DPYD: variants seen among roughly 807,000 people sequenced by gnomAD.
DPYD encodes the protein dihydropyrimidine dehydrogenase, also known as dihydropyrimidine dehydrogenase [NADP(+)].
DPYD carries 109 observed loss-of-function variants against 116.2 expected under a neutral mutation model. The ratio of observed to expected loss-of-function variants is 0.94; its 90% CI spans 0.80 to 1.10. The LOEUF is 1.10. Among genes scored for constraint, DPYD ranks in the 50% least tolerant of loss-of-function variants. The pLI is 0.00. For synonymous variants in DPYD, 440 were observed against 432.0 expected (o/e 1.02, Z -0.23); for missense variants, 1,302 against 1,254.5 (o/e 1.04, Z -0.57).
intron 13 of DPYD, among the ~76,000 whole-genome samples, chr1:97,480,322 C>T (rs942281306): frequency 1.4e-4 from 21 of 152,014 alleles, no homozygotes; most frequent in Admixed American, 3.9e-4. Flanking sequence ...TTCTGGAATA[C>T]GAAAGACTTG....
At chr1:97,485,109 G>C (rs1557744698) in intron 13 of DPYD, among the ~76,000 whole-genome samples, 1 of 152,072 alleles carries the variant, frequency 6.6e-6, no homozygotes, top group East Asian at 1.9e-4. Flanking sequence ...TATACATTAG[G>C]TCTTTCAACA....
chr1:97,239,396 A>G (rs934405247), intron 18 of DPYD, among the ~76,000 whole-genome samples: 3 of 152,118 alleles, frequency 2.0e-5, no homozygotes, highest in Admixed American at 2.0e-4. Flanking sequence ...ATGTATTATG[A>G]CAATCAGGTT....
chr1:97,811,620 T>C (rs1466657511), intron 3 of DPYD, among the ~76,000 whole-genome samples: 1 of 152,134 alleles, frequency 6.6e-6, no homozygotes, highest in Non-Finnish European at 1.5e-5. Context: ...AATAACTTTG[T>C]TTCGAAACTT....
intron 16 of DPYD, among the ~76,000 whole-genome samples, chr1:97,324,021 A>T (rs1437229539): frequency 1.3e-5 from 2 of 152,000 alleles, no homozygotes; most frequent in East Asian, 3.9e-4. Flanking sequence ...AAGTGGTTAA[A>T]TTGTATTTGT....
chr1:97,115,848 G>A (rs955741373), intron 20 of DPYD, among the ~76,000 whole-genome samples: 1 of 152,110 alleles, frequency 6.6e-6, no homozygotes, highest in South Asian at 2.1e-4. Flanking sequence ...AAGTAGACCT[G>A]AGGCCCACTT....
intron 15 of DPYD, among the ~76,000 whole-genome samples, chr1:97,378,883 GA>G (rs1458349385): frequency 6.6e-6 from 1 of 152,098 alleles, no homozygotes; most frequent in Non-Finnish European, 1.5e-5. Context: ...TGCTACAGAG[GA>G]AAAACACAGA....
intron 13 of DPYD, among the ~76,000 whole-genome samples, chr1:97,512,406 G>A (rs945575506): frequency 2.6e-5 from 4 of 151,744 alleles, no homozygotes; most frequent in Non-Finnish European, 5.9e-5. Context: ...TATAGAAAGG[G>A]CTTACAAGTG....
intron 3 of DPYD, among the ~76,000 whole-genome samples, chr1:97,744,354 C>G (rs1369524286): frequency 6.6e-6 from 1 of 151,950 alleles, no homozygotes. Context: ...TATTGGTAAC[C>G]ATCCACAGCA....
At chr1:97,355,295 T>C (rs868533589) in intron 16 of DPYD, among the ~76,000 whole-genome samples, 3 of 152,292 alleles carry the variant, frequency 2.0e-5, no homozygotes, top group Middle Eastern at 3.4e-3. Context: ...TGTATATATT[T>C]GAGTTACCAA....
Position 97,887,469 on chromosome 1 carries a change from T to TAAAAAAAAAAAAAAAA in DPYD, c.40-4111_40-4096dup, listed in dbSNP as rs57316508. On this transcript the variant is annotated intron_variant, in intron 1 of 22. Transcript: ENST00000370192. ...TGGGTGACAAAGTGAGACTCTGCAT[T>TAAAAAAAAAAAAAAAA]AAAAAAAAAAAAAAAAAAAAAAAAA... Among the ~76,000 whole-genome samples the TAAAAAAAAAAAAAAAA allele has an allele frequency of 1.4e-3, 67 of 47,138 alleles. 1 individual carries two copies. Among genetic ancestry groups the TAAAAAAAAAAAAAAAA allele is most frequent in the Non-Finnish European group, 2.0e-3 (52 of 25,558 alleles). The allele number at this position is 47,138 out of a possible 152,430, so 30.9% of individuals were successfully genotyped here. A position where few individuals can be genotyped will look rare whatever the true frequency, so the allele number is the denominator to read the frequency against.
chr1:97,443,814 T>C (rs1675932202), intron 14 of DPYD, among the ~76,000 whole-genome samples: 2 of 152,212 alleles, frequency 1.3e-5, no homozygotes. Context: ...AACTTAATTA[T>C]AAAAACTTCA....
intron 20 of DPYD, among the ~76,000 whole-genome samples, chr1:97,165,025 T>C (rs1275055712): frequency 1.3e-5 from 2 of 152,058 alleles, no homozygotes; most frequent in African/African-American, 4.8e-5. Flanking sequence ...ACAGATTCAA[T>C]GCTATTCCTA....
chr1:97,124,690 T>G (rs529629519), intron 20 of DPYD, among the ~76,000 whole-genome samples: 65 of 152,280 alleles, frequency 4.3e-4, no homozygotes, highest in African/African-American at 1.5e-3. Context: ...TGAGGAAAGT[T>G]AGATGCTACT....
At chr1:97,220,355 C>T (rs573267067) in intron 19 of DPYD, among the ~76,000 whole-genome samples, 2 of 152,314 alleles carry the variant, frequency 1.3e-5, no homozygotes, top group African/African-American at 2.4e-5. Flanking sequence ...AAAACTCACA[C>T]CAGATGCAGC....
chr1:97,570,323 CTG>C, intron 11 of DPYD, among the ~76,000 whole-genome samples: 1 of 152,108 alleles, frequency 6.6e-6, no homozygotes, highest in East Asian at 1.9e-4. Flanking sequence ...TAATTTATCA[CTG>C]TACTTTATAT....
chr1:97,205,237 T>G (rs1253222045), intron 19 of DPYD, among the ~76,000 whole-genome samples: 2 of 152,080 alleles, frequency 1.3e-5, no homozygotes, highest in East Asian at 3.9e-4. Context: ...AAATGTATAA[T>G]GACATGTATT....
intron 1 of DPYD, chr1:97,883,794 C>A: frequency 4.6e-6 from 2 of 437,672 alleles, no homozygotes; most frequent in South Asian, 3.5e-5. Context: ...TTACAGGCCC[C>A]TAAAGAAAGG....
chr1:97,637,605 G>T (rs1657645909), intron 8 of DPYD, among the ~76,000 whole-genome samples: 1 of 151,894 alleles, frequency 6.6e-6, no homozygotes, highest in African/African-American at 2.4e-5. Flanking sequence ...ATATTATTTT[G>T]CTCCAAGACA....
At chr1:97,646,968 A>G (rs1216347513) in intron 8 of DPYD, among the ~76,000 whole-genome samples, 1 of 151,970 alleles carries the variant, frequency 6.6e-6, no homozygotes, top group Non-Finnish European at 1.5e-5. Flanking sequence ...CAGTTCCCAT[A>G]CCCATCCATT....
Sources: allele counts gnomAD v4.1 joint callset (sites outside exome capture counted in the v4.1 genomes callset), GRCh38; gene constraint gnomAD v4.1.1; transcripts MANE v1.5; gene names NCBI Gene and HGNC (gene_info 2026-07-23, HGNC 2026-07-21).